GTF2A1: variants seen among roughly 807,000 people sequenced by gnomAD.
GTF2A1 encodes transcription initiation factor IIA subunit 1.
GTF2A1 carries 12 observed loss-of-function variants against 54.1 expected under a neutral mutation model. That is an observed-to-expected ratio of 0.22 (90% CI 0.14 to 0.36). The LOEUF (loss-of-function observed/expected upper bound fraction) is 0.36. GTF2A1 is among the 10% of genes least tolerant of loss of function. The pLI is 1.00. For missense variants in GTF2A1, 335 were observed against 442.2 expected, an observed-to-expected ratio of 0.76 and a Z score of 2.17; for synonymous variants, 145 against 152.0, an observed-to-expected ratio of 0.95 and a Z score of 0.34.
chr14:81,201,715 C>T (rs1595220807), intron 3 of GTF2A1, 57 bp from the exon 4 acceptor site: 2 of 1,140,938 alleles, frequency 1.8e-6, no homozygotes, highest in Non-Finnish European at 2.7e-6. Flanking sequence ...TTTATAATCA[C>T]AAGAACACTT....
rs1406941719 is a variant in GTF2A1, at chr14:81,179,727, T to A, written c.*496A>T. 3 of 152,228 alleles carry A rather than the reference T, an allele frequency of 2.0e-5. No homozygotes were observed. Among genetic ancestry groups the A allele is most frequent in the Non-Finnish European group, 4.4e-5 (3 of 68,038 alleles). 9.4% of individuals were successfully genotyped at this position (152,228 alleles called of 1,614,324 possible). ...TATTTAAGACCTATTATGAGAGTTT[T>A]AAATTGTTTTCTTATACAAGTGAAT... On this transcript the variant is annotated 3_prime_UTR_variant, in exon 9 of 9. Transcript: ENST00000553612.
intron 7 of GTF2A1, among the ~76,000 whole-genome samples, chr14:81,187,951 C>G (rs1200462430): frequency 6.6e-6 from 1 of 152,130 alleles, no homozygotes; most frequent in Non-Finnish European, 1.5e-5. Flanking sequence ...CAACAATGCA[C>G]AAGGGCTCCA....
chr14:81,220,630 TG>T lies in GTF2A1; in HGVS notation c.-113del, dbSNP rs1485090105. The T allele has an allele frequency of 3.4e-5, 27 of 801,214 alleles. No individual in the cohort carries two copies. Among genetic ancestry groups the T allele is most frequent in the Non-Finnish European group, 4.5e-5 (24 of 531,504 alleles). 49.6% of individuals were successfully genotyped at this position (801,214 alleles called of 1,614,324 possible). ...AGGGTGACCCAAATCACCGCAAGATTGGGGAAAAAATTTTAAACAAAATCAA... is the reference window on the plus strand; with the variant it reads ...AGGGTGACCCAAATCACCGCAAGATTGGGAAAAAATTTTAAACAAAATCAA... On this transcript the variant is annotated 5_prime_UTR_variant, in exon 1 of 9. Coordinates refer to ENST00000553612, the MANE Select transcript of GTF2A1 (RefSeq NM_015859.4).
At chr14:81,221,135 A>C (rs932136775), upstream of GTF2A1, 1 of 152,262 alleles carries the variant, frequency 6.6e-6, no homozygotes, top group African/African-American at 2.4e-5. Context: ...TGAAGTAGTG[A>C]AATCGGACCT....
chr14:81,186,894 GC>G (rs1379982392), intron 7 of GTF2A1, among the ~76,000 whole-genome samples: 2 of 151,870 alleles, frequency 1.3e-5, no homozygotes, highest in African/African-American at 4.8e-5. Flanking sequence ...GAAGCTATGA[GC>G]CTTGATCACA....
chr14:81,203,484 A>G (rs897441239), intron 3 of GTF2A1, among the ~76,000 whole-genome samples: 1 of 152,240 alleles, frequency 6.6e-6, no homozygotes, highest in Non-Finnish European at 1.5e-5. Flanking sequence ...CTTTGAAAGA[A>G]CATGTTTTAT....
intron 7 of GTF2A1, among the ~76,000 whole-genome samples, chr14:81,191,821 T>C (rs539630766): frequency 2.0e-5 from 3 of 152,250 alleles, no homozygotes; most frequent in African/African-American, 7.2e-5. Flanking sequence ...CAATATTCAA[T>C]AATAAACTAT....
In GTF2A1 at chr14:81,220,602, C is replaced by T; in HGVS notation, c.-84G>A. 1.8e-6 allele frequency: 2 copies of T among 1,113,318 alleles called. No individual in the cohort carries two copies. Among genetic ancestry groups the T allele is most frequent in the Non-Finnish European group, 2.5e-6 (2 of 787,022 alleles). The allele number at this position is 1,113,318 out of a possible 1,614,324, so 69.0% of individuals were successfully genotyped here. A position where few individuals can be genotyped will look rare whatever the true frequency, so the allele number is the denominator to read the frequency against. ...CCAAAAAAAAAAAAACTATAACACC[C>T]GGAGGGTGACCCAAATCACCGCAAG... is the stretch of plus-strand genomic sequence containing the variant. On this transcript the variant is annotated 5_prime_UTR_variant, in exon 1 of 9. Transcript: ENST00000553612.
intron 2 of GTF2A1, among the ~76,000 whole-genome samples, chr14:81,211,608 A>G (rs1893365256): frequency 6.6e-6 from 1 of 152,006 alleles, no homozygotes; most frequent in South Asian, 2.1e-4. Flanking sequence ...TCCAGGCCAC[A>G]TCAGAGACCT....
At chr14:81,184,493 G>A (rs1375860725) in intron 8 of GTF2A1, among the ~76,000 whole-genome samples, 2 of 152,120 alleles carry the variant, frequency 1.3e-5, no homozygotes, top group African/African-American at 4.8e-5. Context: ...TGACCTTACT[G>A]TCTTCATTCT....
In GTF2A1 at chr14:81,192,406, T is replaced by C. The variant is rs1476275185; in HGVS notation, c.933+113A>G. 4.0e-6 allele frequency: 3 copies of C among 745,300 alleles called. No homozygotes were observed. In the African/African-American group the frequency reaches 5.3e-5, roughly 13 times the overall value. The allele number at this position is 745,300 out of a possible 1,614,324, so 46.2% of individuals were successfully genotyped here. A position where few individuals can be genotyped will look rare whatever the true frequency, so the allele number is the denominator to read the frequency against. ...TAACTTTATCTTTAAAATCTTATGT[T>C]GTACAGCACCTAACAGTCTCTGAAA... On this transcript the variant is annotated intron_variant, in intron 7 of 8. Coordinates refer to ENST00000553612, the MANE Select transcript of GTF2A1 (RefSeq NM_015859.4).
intron 8 of GTF2A1, among the ~76,000 whole-genome samples, chr14:81,184,275 T>C (rs970329329): frequency 3.3e-5 from 5 of 152,162 alleles, no homozygotes; most frequent in African/African-American, 1.2e-4. Context: ...CATCATGAAA[T>C]TGTGTTCTGG....
chr14:81,216,450 T>C lies in GTF2A1; in HGVS notation c.95A>G (p.Asp32Gly). The change falls in exon 2 of 9, where the codon GAT becomes GGT. Residue 32 changes from aspartate to glycine, a missense_variant. Physicochemically the swap from Asp to Gly is moderately conservative, Grantham distance 94. Coordinates refer to ENST00000553612, the MANE Select transcript of GTF2A1 (RefSeq NM_015859.4). ...CATCAGTACTTGTTCATCCACTCCA[T>C]CATCCAGAAAGATGTCTCTCACATC... ...INDVRDIFLDDGVDEQVLMEL... is the reference protein window; with the variant it reads ...INDVRDIFLDGGVDEQVLMEL... 1 of 1,533,510 alleles carries C rather than the reference T, an allele frequency of 6.5e-7. No individual in the cohort carries two copies. The highest frequency in any genetic ancestry group is 9.0e-7 in the Non-Finnish European group (1 of 1,106,814). The allele number at this position is 1,533,510 out of a possible 1,614,324, so 95.0% of individuals were successfully genotyped here. A position where few individuals can be genotyped will look rare whatever the true frequency, so the allele number is the denominator to read the frequency against.
At chr14:81,181,072 C>T (rs183959945) in intron 8 of GTF2A1, among the ~76,000 whole-genome samples, 1 of 152,186 alleles carries the variant, frequency 6.6e-6, no homozygotes, top group African/African-American at 2.4e-5. Flanking sequence ...CAGTCACTTA[C>T]ACCAGATTTC....
chr14:81,217,112 T>C (rs1309597149), intron 1 of GTF2A1, among the ~76,000 whole-genome samples: 1 of 152,234 alleles, frequency 6.6e-6, no homozygotes, highest in Non-Finnish European at 1.5e-5. Flanking sequence ...TCTCCTCTAC[T>C]ACTGCCCAGG....
chr14:81,209,315 G>A (rs1287852482), intron 2 of GTF2A1, among the ~76,000 whole-genome samples: 13 of 152,092 alleles, frequency 8.5e-5, no homozygotes, highest in Admixed American at 6.6e-4. Context: ...ATTTTCTCTT[G>A]CCACTGCCAA....
intron 5 of GTF2A1, among the ~76,000 whole-genome samples, chr14:81,196,850 C>T (rs546175589): frequency 1.5e-4 from 23 of 152,182 alleles, no homozygotes; most frequent in African/African-American, 5.5e-4. Context: ...CCTAATTTCA[C>T]AAATTTACAA....
chr14:81,197,856 C>T (rs900900420), intron 4 of GTF2A1, among the ~76,000 whole-genome samples: 3 of 152,134 alleles, frequency 2.0e-5, no homozygotes, highest in Non-Finnish European at 4.4e-5. Flanking sequence ...ATTAACAATG[C>T]TGTACAATAT....
At chr14:81,192,426 C>G in intron 7 of GTF2A1, 93 bp downstream of exon 7, 1 of 955,538 alleles carries the variant, frequency 1.0e-6, no homozygotes, top group South Asian at 1.6e-5. Flanking sequence ...CTAACAGTCT[C>G]TGAAAAAAAC....
Sources: allele counts gnomAD v4.1 joint callset (sites outside exome capture counted in the v4.1 genomes callset), GRCh38; gene constraint gnomAD v4.1.1; transcripts MANE v1.5; gene names NCBI Gene and HGNC (gene_info 2026-07-23, HGNC 2026-07-21).